Variants in HHIPL2 observed in about 807,000 individuals in gnomAD.
HHIPL2 encodes HHIP like 2, also known as HHIP-like protein 2.
Under a neutral mutation model 61.0 loss-of-function variants are expected in HHIPL2, and 61 were observed. That is an observed-to-expected ratio of 1.00 (90% CI 0.81 to 1.24). HHIPL2 has a LOEUF of 1.24. HHIPL2 is among the 50% of genes most tolerant of loss of function. The probability of loss-of-function intolerance (pLI) is 0.00; values close to 1 mark genes in which losing one functional copy is unlikely to be tolerated. For synonymous variants in HHIPL2, 343 were observed against 357.4 expected, an observed-to-expected ratio of 0.96 and a Z score of 0.45; for missense variants, 885 against 910.2, an observed-to-expected ratio of 0.97 and a Z score of 0.36.
In HHIPL2 at chr1:222,544,160, G is replaced by A. The variant is rs1291388394; in HGVS notation, c.351C>T (p.Tyr117=). ...GAGGCGTCTGGGTGTTTTCGGCGTC[G>A]TAGAGGTGGGCTGCGTAGGGCGAGC... ...QECSPYAAHL[Y]DAENTQTPLR... The change falls in exon 2 of 9, where the codon TAC becomes TAT. Residue 117 remains tyrosine (Y), a synonymous_variant. Coordinates refer to ENST00000343410, the MANE Select transcript of HHIPL2 (RefSeq NM_024746.4). 4 of 1,613,340 alleles carry A rather than the reference G, an allele frequency of 2.5e-6. No individual in the cohort carries two copies. The South Asian group carries it at 4.4e-5, about 18-fold the overall frequency.
intron 1 of HHIPL2, among the ~76,000 whole-genome samples, chr1:222,545,219 G>A (rs1281247233): frequency 6.6e-6 from 1 of 152,310 alleles, no homozygotes; most frequent in East Asian, 1.9e-4. Flanking sequence ...CATTGGCCCA[G>A]AAGCCCCCTT....
chr1:222,539,993 G>C lies in HHIPL2; in HGVS notation c.1450+17C>G, dbSNP rs760121336. On this transcript the variant is annotated intron_variant, in intron 4 of 8. Transcript: ENST00000343410. ...CTCAACTCATCCAAGAAATCACCCA[G>C]AGAGCTTCTTACTTACCCAAAGAGG... 4.4e-6 allele frequency: 7 copies of C among 1,603,182 alleles called. No homozygotes were observed. In the South Asian group the frequency reaches 6.7e-5, roughly 15 times the overall value.
At chr1:222,523,546 C>T (rs1658999090) in intron 8 of HHIPL2, 66 bp downstream of exon 8, 18 of 1,442,676 alleles carry the variant, frequency 1.2e-5, no homozygotes, top group South Asian at 1.0e-4. Flanking sequence ...TTATAGCCTG[C>T]TTGCTGAGGG....
rs1659595148 is a variant in HHIPL2 at position 222,547,975 on chromosome 1, T to C, written c.70A>G (p.Ile24Val). 6.2e-7 allele frequency: 1 copy of C among 1,610,468 alleles called. No homozygotes were observed. Among genetic ancestry groups the C allele is most frequent in the Non-Finnish European group, 8.5e-7 (1 of 1,177,358 alleles). Residue 24 changes from isoleucine (I) to valine (V), a missense_variant, in exon 1 of 9, where the codon ATT (isoleucine) becomes GTT (valine). Physicochemically the swap from Ile to Val is conservative, Grantham distance 29 (BLOSUM62 3). Transcript: ENST00000343410. ...AAGAATATGAGGCAGAGGCAGAGAA[T>C]GCCAGAAGAGAGCCAGGGGGCCCGG... ...HCRAPWLSSG[I>V]LCLCLIFLLG... is the part of the protein sequence containing the mutation.
chr1:222,525,528 A>G (rs1437208210), intron 7 of HHIPL2, among the ~76,000 whole-genome samples: 2 of 152,196 alleles, frequency 1.3e-5, no homozygotes, highest in Non-Finnish European at 2.9e-5. Context: ...AAGCTCAGAT[A>G]GAGCTGGCCC....
intron 5 of HHIPL2, among the ~76,000 whole-genome samples, chr1:222,536,900 T>G (rs1466562305): frequency 7.5e-6 from 1 of 133,730 alleles, no homozygotes; most frequent in Non-Finnish European, 1.6e-5. Context: ...AAAAAAAATT[T>G]TTTTTAATTA....
Position 222,538,645 on chromosome 1 carries a change from T to C in HHIPL2, c.1577+3A>G. ...GGGAGAAGGGACATCAGTCCTTCCTTACCCACTCATGAAGTCTCCAAAGAT... is the reference window on the plus strand; with the variant it reads ...GGGAGAAGGGACATCAGTCCTTCCTCACCCACTCATGAAGTCTCCAAAGAT... On this transcript the variant is annotated splice_donor_region_variant and intron_variant, in intron 5 of 8. Coordinates refer to ENST00000343410, the MANE Select transcript of HHIPL2 (RefSeq NM_024746.4). The C allele has an allele frequency of 6.2e-7, 1 of 1,613,158 alleles. No individual in the cohort carries two copies. Among genetic ancestry groups the C allele is most frequent in the Non-Finnish European group, 8.5e-7 (1 of 1,179,210 alleles).
chr1:222,527,178 C>A, intron 6 of HHIPL2, 128 bp from the exon 7 acceptor site: 1 of 687,832 alleles, frequency 1.5e-6, no homozygotes, highest in Non-Finnish European at 2.5e-6. Context: ...AGAACGGAAT[C>A]CCAGAAACCT....
rs1659308348 is a variant in HHIPL2, at chr1:222,536,691, T to G, written c.1577+1957A>C. On this transcript the variant is annotated intron_variant, in intron 5 of 8. Coordinates refer to ENST00000343410, the MANE Select transcript of HHIPL2 (RefSeq NM_024746.4). ...ACAAGAAAGAAAAACTATAGTTCACTATTCCTTCATGCACATAGATTTTAA... is the reference window on the plus strand; with the variant it reads ...ACAAGAAAGAAAAACTATAGTTCACGATTCCTTCATGCACATAGATTTTAA... Among the ~76,000 whole-genome samples, 6 of 152,198 alleles carry G rather than the reference T, an allele frequency of 3.9e-5. No homozygotes were observed. The South Asian group carries it at 1.2e-3, about 32-fold the overall frequency.
chr1:222,530,785 T>A (rs750319513), intron 6 of HHIPL2, among the ~76,000 whole-genome samples: 1 of 152,168 alleles, frequency 6.6e-6, no homozygotes, highest in Admixed American at 6.5e-5. Context: ...TGTTTTGTTT[T>A]CTGTTGTTTA....
At chr1:222,528,082 TA>T (rs1393131652) in intron 6 of HHIPL2, among the ~76,000 whole-genome samples, 1 of 152,204 alleles carries the variant, frequency 6.6e-6, no homozygotes, top group Non-Finnish European at 1.5e-5. Context: ...TTTGTCACAG[TA>T]ACTACCTCAT....
rs79317578 is a variant in HHIPL2 at position 222,531,100 on chromosome 1, T to C, written c.1723+866A>G. On this transcript the variant is annotated intron_variant, in intron 6 of 8. Transcript: ENST00000343410. Reference sequence around the variant, plus strand: ...CACGTGCACATCATGCTTCACTGATTCCCTTAACACGTGCCTAGTCTGTCT... The same window carrying C: ...CACGTGCACATCATGCTTCACTGATCCCCTTAACACGTGCCTAGTCTGTCT... Among the ~76,000 whole-genome samples, 988 of 152,298 alleles carry C rather than the reference T, an allele frequency of 6.5e-3. 26 individuals carry two copies. The East Asian group carries it at 0.1, about 16-fold the overall frequency.
intron 1 of HHIPL2, among the ~76,000 whole-genome samples, chr1:222,544,521 AATTTTC>A (rs931729607): frequency 1.1e-4 from 16 of 152,170 alleles, no homozygotes; most frequent in African/African-American, 3.9e-4. Flanking sequence ...CTTATTTTTT[AATTTTC>A]ATTTTATTTT....
At chr1:222,547,653 C>T in intron 1 of HHIPL2, 71 bp downstream of exon 1, 1 of 1,360,354 alleles carries the variant, frequency 7.4e-7, no homozygotes. Flanking sequence ...TCCCAAAGCA[C>T]CCTCCGCTCA....
intron 6 of HHIPL2, among the ~76,000 whole-genome samples, chr1:222,529,132 T>G (rs1167041809): frequency 6.6e-6 from 1 of 152,142 alleles, no homozygotes; most frequent in Non-Finnish European, 1.5e-5. Context: ...TCTAAACAAC[T>G]GCTTTTTGTG....
intron 4 of HHIPL2, among the ~76,000 whole-genome samples, chr1:222,539,734 C>T (rs768472870): frequency 2.0e-5 from 3 of 152,016 alleles, no homozygotes; most frequent in Non-Finnish European, 4.4e-5. Flanking sequence ...AATACAGATT[C>T]CTGGGTCAAT....
intron 6 of HHIPL2, among the ~76,000 whole-genome samples, chr1:222,528,141 C>T (rs1659108706): frequency 1.3e-5 from 2 of 152,180 alleles, no homozygotes; most frequent in Non-Finnish European, 2.9e-5. Context: ...GCTATGGGGT[C>T]ATGAGCCCCA....
chr1:222,536,130 G>T (rs540598779), intron 5 of HHIPL2, among the ~76,000 whole-genome samples: 173 of 150,098 alleles, frequency 1.2e-3, no homozygotes, highest in African/African-American at 2.8e-3. Context: ...TCAAGCAGAA[G>T]GAAGAAAAAA....
At chr1:222,534,524 C>A (rs1434918126) in intron 5 of HHIPL2, among the ~76,000 whole-genome samples, 1 of 150,556 alleles carries the variant, frequency 6.6e-6, no homozygotes, top group Non-Finnish European at 1.5e-5. Context: ...TTGCAGTGAG[C>A]CGAGATCGTG....
Sources: allele counts gnomAD v4.1 joint callset (sites outside exome capture counted in the v4.1 genomes callset), GRCh38; gene constraint gnomAD v4.1.1; transcripts MANE v1.5; gene names NCBI Gene and HGNC (gene_info 2026-07-23, HGNC 2026-07-21).